Variants in PDCD10 observed in about 807,000 individuals in gnomAD.
PDCD10 encodes the protein programmed cell death protein 10.
PDCD10 carries 4 observed loss-of-function variants against 29.2 expected under a neutral mutation model. The observed-to-expected ratio is 0.14, with a 90% CI of 0.07 to 0.31. The LOEUF is 0.31. PDCD10 is among the 10% of genes least tolerant of loss of function. The pLI, the probability that PDCD10 is intolerant of heterozygous loss-of-function variation, is 1.00. For missense variants in PDCD10, 183 were observed against 257.9 expected (o/e 0.71, Z 1.99); for synonymous variants, 70 against 82.2 (o/e 0.85, Z 0.80).
At chr3:167,715,071 C>A (rs553805886) in intron 3 of PDCD10, among the ~76,000 whole-genome samples, 5 of 151,036 alleles carry the variant, frequency 3.3e-5, no homozygotes, top group East Asian at 1.9e-4. Context: ...AAAAAAAAAA[C>A]CAGACCAATG....
intron 2 of PDCD10, among the ~76,000 whole-genome samples, chr3:167,733,751 AAAAAG>A (rs1385697603): frequency 6.6e-6 from 1 of 152,352 alleles, no homozygotes; most frequent in East Asian, 1.9e-4. Flanking sequence ...CCTAAGGTAG[AAAAAG>A]AAAAGAATAT....
At chr3:167,717,828 C>T (rs1395164583) in intron 3 of PDCD10, among the ~76,000 whole-genome samples, 1 of 152,016 alleles carries the variant, frequency 6.6e-6, no homozygotes, top group African/African-American at 2.4e-5. Flanking sequence ...TGACACCATG[C>T]TGTTAATGTT....
Position 167,704,863 on chromosome 3 carries a change from T to C in PDCD10, c.129A>G (p.Thr43=), listed in dbSNP as rs1559960730. The change falls in exon 4 of 9, where the codon ACA becomes ACG. Residue 43 remains threonine, a synonymous_variant. Coordinates refer to ENST00000392750, the MANE Select transcript of PDCD10 (RefSeq NM_007217.4). The part of the protein sequence containing the change: ...LERVNLSAAQ[T]LRAAFIKAEK... The stretch of plus-strand genomic sequence containing the variant: ...TCACCTTGATGAAAGCGGCTCTCAG[T>C]GTCTGGGCTGCAGACAGATTTACTC... 3.7e-6 allele frequency: 6 copies of C among 1,607,972 alleles called. No individual in the cohort carries two copies. The highest frequency in any genetic ancestry group is 1.3e-5 in the African/African-American group (1 of 74,932).
At chr3:167,732,536 G>A (rs1251690738) in intron 2 of PDCD10, among the ~76,000 whole-genome samples, 1 of 150,326 alleles carries the variant, frequency 6.7e-6, no homozygotes, top group Non-Finnish European at 1.5e-5. Context: ...GCATGTGACT[G>A]AAAGATGATA....
intron 4 of PDCD10, among the ~76,000 whole-genome samples, chr3:167,701,370 T>C (rs1349838260): frequency 1.3e-5 from 2 of 152,170 alleles, no homozygotes; most frequent in Non-Finnish European, 1.5e-5. Context: ...ATATGTATTG[T>C]ATATTTAATT....
At chr3:167,687,804 T>C in intron 6 of PDCD10, 111 bp from the exon 7 acceptor site, 1 of 694,266 alleles carries the variant, frequency 1.4e-6, no homozygotes, top group Non-Finnish European at 2.6e-6. Context: ...CTAATCACAG[T>C]ACACTCTTAA....
At chr3:167,711,087 A>G (rs1722476942) in intron 3 of PDCD10, among the ~76,000 whole-genome samples, 1 of 152,182 alleles carries the variant, frequency 6.6e-6, no homozygotes, top group Non-Finnish European at 1.5e-5. Flanking sequence ...CAACTACAAT[A>G]AATACCTAAC....
In PDCD10 at chr3:167,687,244, T is replaced by C. The variant is rs777088410; in HGVS notation, c.547A>G (p.Lys183Glu). Reference sequence around the variant, plus strand: ...AATTACAGTACTTACTTGCCATCTTTAAAATACGTTTTCAGAGTATCACTG... The same window carrying C: ...AATTACAGTACTTACTTGCCATCTTCAAAATACGTTTTCAGAGTATCACTG... ...SFSDTLKTYF[K>E]DGKAINVFVS... Residue 183 changes from lysine to glutamate, a missense_variant, in exon 8 of 9, where the codon AAA (lysine) becomes GAA (glutamate). Transcript: ENST00000392750. 2 of 1,522,952 alleles carry C rather than the reference T, an allele frequency of 1.3e-6. No homozygotes were observed. The highest frequency in any genetic ancestry group is 9.1e-7 in the Non-Finnish European group (1 of 1,097,866). 94.3% of individuals were successfully genotyped at this position (1,522,952 alleles called of 1,614,324 possible).
rs530231979 is a variant in PDCD10, at chr3:167,728,361, T to G, written c.-117+5853A>C. Among the ~76,000 whole-genome samples, 5 of 152,318 alleles carry G rather than the reference T, an allele frequency of 3.3e-5. No homozygotes were observed. The South Asian group carries it at 1.0e-3, about 32-fold the overall frequency. On this transcript the variant is annotated intron_variant, in intron 2 of 8. Coordinates refer to ENST00000392750, the MANE Select transcript of PDCD10 (RefSeq NM_007217.4). Reference sequence around the variant, plus strand: ...GTCTGACTCATTTAACATTCCCAACTGGCTTCTGTTGTAGTAACCTTATAT... The same window carrying G: ...GTCTGACTCATTTAACATTCCCAACGGGCTTCTGTTGTAGTAACCTTATAT...
chr3:167,726,717 A>G (rs1359183920), intron 2 of PDCD10, among the ~76,000 whole-genome samples: 2 of 152,202 alleles, frequency 1.3e-5, no homozygotes, highest in East Asian at 1.9e-4. Flanking sequence ...AATTCTAGGA[A>G]CCTGACATGG....
intron 8 of PDCD10, 63 bp downstream of exon 8, chr3:167,687,171 A>G (rs757242378): frequency 1.1e-5 from 9 of 857,134 alleles, no homozygotes; most frequent in Admixed American, 7.8e-5. Flanking sequence ...TGTGGTTTTC[A>G]TATCATATAA....
chr3:167,695,853 T>A, intron 5 of PDCD10, 131 bp from the exon 6 acceptor site: 1 of 867,924 alleles, frequency 1.2e-6, no homozygotes, highest in Non-Finnish European at 1.9e-6. Flanking sequence ...AAGACAAGGT[T>A]GCAAAGCAGA....
intron 2 of PDCD10, among the ~76,000 whole-genome samples, chr3:167,730,417 A>G (rs897232208): frequency 6.6e-6 from 1 of 152,184 alleles, no homozygotes; most frequent in Non-Finnish European, 1.5e-5. Context: ...AACAACATAT[A>G]AAAAGCAGTA....
chr3:167,691,805 GGCATTAGATTGC>G (rs1720270990), intron 6 of PDCD10, among the ~76,000 whole-genome samples: 4 of 152,182 alleles, frequency 2.6e-5, no homozygotes, highest in African/African-American at 9.7e-5. Flanking sequence ...GTGAACACCT[GGCATTAGATTGC>G]CTGGGTTCAA....
chr3:167,695,997 AC>A (rs200481850), intron 5 of PDCD10, among the ~76,000 whole-genome samples: 1,632 of 127,614 alleles, frequency 0.013, 31 homozygotes, highest in East Asian at 0.096. Context: ...AAAAAAACAC[AC>A]AAAAAAAAAA....
In PDCD10 at chr3:167,683,840, C is replaced by CATATATAT. The variant is rs5854245; in HGVS notation, c.*460_*467dup. The stretch of plus-strand genomic sequence containing the variant: ...CACCAAGTTGTCTTGGTCTTCTGTT[C>CATATATAT]ATATATATATATATATATATATATA... On this transcript the variant is annotated 3_prime_UTR_variant, in exon 9 of 9. Transcript: ENST00000392750. 17 of 135,636 alleles carry CATATATAT rather than the reference C, an allele frequency of 1.3e-4. No individual in the cohort carries two copies. Among genetic ancestry groups the CATATATAT allele is most frequent in the South Asian group, 4.7e-4 (2 of 4,224 alleles). The allele number at this position is 135,636 out of a possible 1,614,324, so 8.4% of individuals were successfully genotyped here.
Position 167,734,212 on chromosome 3 carries a change from A to AT in PDCD10, c.-117+1_-117+2insA, listed in dbSNP as rs1725136072. 1 of 152,124 alleles carries AT rather than the reference A, an allele frequency of 6.6e-6. No homozygotes were observed. Among genetic ancestry groups the AT allele is most frequent in the Non-Finnish European group, 1.5e-5 (1 of 68,070 alleles). The allele number at this position is 152,124 out of a possible 1,614,324, so 9.4% of individuals were successfully genotyped here. ...GAAAGCAGTAAAGGAGTAAAAACAT[A>AT]CCTTAGGTATGACACCTAAGAGGGT... On this transcript the variant is annotated splice_donor_variant, in intron 2 of 8. Transcript: ENST00000392750. LOFTEE classifies it low-confidence loss of function (5UTR_SPLICE).
chr3:167,703,060 T>C (rs73878768), intron 4 of PDCD10, among the ~76,000 whole-genome samples: 3,040 of 152,276 alleles, frequency 0.02, 92 homozygotes, highest in African/African-American at 0.068. Flanking sequence ...ATGAATGTCA[T>C]TGAAGATACT....
At chr3:167,696,407 G>A (rs1016359709) in intron 5 of PDCD10, among the ~76,000 whole-genome samples, 1 of 151,998 alleles carries the variant, frequency 6.6e-6, no homozygotes, top group Non-Finnish European at 1.5e-5. Flanking sequence ...TAATGATAAG[G>A]GCTTTCTTAA....
Sources: gnomAD v4.1 joint callset for allele counts (sites outside exome capture counted in the v4.1 genomes callset) on GRCh38, gnomAD v4.1.1 for gene constraint, MANE v1.5 for transcripts, NCBI Gene and HGNC (gene_info 2026-07-23, HGNC 2026-07-21) for gene names.